The following SLC39A11 variants were observed in gnomAD, a reference collection of about 807,000 sequenced individuals.
The protein encoded by SLC39A11 is zinc transporter ZIP11.
In SLC39A11, 33 loss-of-function variants were observed where a neutral mutation model predicts 36.1. That is an observed-to-expected ratio of 0.91 (90% CI 0.69 to 1.22). SLC39A11 has a LOEUF of 1.22. Among genes scored for constraint, SLC39A11 ranks in the 50% most tolerant of loss-of-function variants. The pLI, the probability that SLC39A11 is intolerant of heterozygous loss-of-function variation, is 0.00. For missense variants in SLC39A11, 432 were observed against 430.3 expected, an observed-to-expected ratio of 1.00 and a Z score of -0.03; for synonymous variants, 166 against 170.3, an observed-to-expected ratio of 0.97 and a Z score of 0.20.
rs57900541 is a variant in SLC39A11, at chr17:72,730,899, C to T, written c.671+5751G>A. Among the ~76,000 whole-genome samples the T allele has an allele frequency of 7.9e-3, 1,208 of 152,200 alleles. 19 individuals are homozygous for T. Among genetic ancestry groups the T allele is most frequent in the African/African-American group, 0.027 (1,141 of 41,534 alleles). On this transcript the variant is annotated intron_variant, in intron 7 of 9. Coordinates refer to ENST00000255559, the MANE Select transcript of SLC39A11 (RefSeq NM_139177.4). ...CCGAGCAATAGGAACTATAGGTGTGCGCCACCACGTCCGGCGAATTTTTTG... is the reference window on the plus strand; with the variant it reads ...CCGAGCAATAGGAACTATAGGTGTGTGCCACCACGTCCGGCGAATTTTTTG...
intron 5 of SLC39A11, among the ~76,000 whole-genome samples, chr17:72,942,393 A>C (rs2085165917): frequency 6.6e-6 from 1 of 152,132 alleles, no homozygotes; most frequent in Non-Finnish European, 1.5e-5. Context: ...TTATATCTAC[A>C]TGAACTGTTG....
At chr17:72,811,637 G>A (rs1390328717) in intron 6 of SLC39A11, among the ~76,000 whole-genome samples, 2 of 152,196 alleles carry the variant, frequency 1.3e-5, no homozygotes, top group African/African-American at 4.8e-5. Context: ...CACTTTCTGT[G>A]AGCTTCAATT....
Position 72,905,814 on chromosome 17 carries a change from C to T in SLC39A11, c.430+41938G>A, listed in dbSNP as rs2082629568. Among the ~76,000 whole-genome samples, 3 of 151,802 alleles carry T rather than the reference C, an allele frequency of 2.0e-5. 1 individual carries two copies. The highest frequency in any genetic ancestry group is 6.8e-3 in the Middle Eastern group (2 of 294). On this transcript the variant is annotated intron_variant, in intron 5 of 9. Coordinates refer to ENST00000255559, the MANE Select transcript of SLC39A11 (RefSeq NM_139177.4). Reference sequence around the variant, plus strand: ...TGTCGCCCAGGCTAGAGTACAGTGGCGTGATCTCAGCTCACTGCAAGCTCC... The same window carrying T: ...TGTCGCCCAGGCTAGAGTACAGTGGTGTGATCTCAGCTCACTGCAAGCTCC...
chr17:73,066,379 A>G (rs1316207411), intron 3 of SLC39A11, among the ~76,000 whole-genome samples: 1 of 152,164 alleles, frequency 6.6e-6, no homozygotes, highest in Middle Eastern at 3.2e-3. Context: ...AACCAGGGGA[A>G]ATAAATTGTT....
At chr17:73,054,673 T>C (rs2059612213) in intron 3 of SLC39A11, among the ~76,000 whole-genome samples, 1 of 151,904 alleles carries the variant, frequency 6.6e-6, no homozygotes, top group Non-Finnish European at 1.5e-5. Flanking sequence ...TCAGGTATGG[T>C]GGCATGTGCC....
At chr17:72,859,880 T>G in intron 5 of SLC39A11, among the ~76,000 whole-genome samples, 1 of 140,372 alleles carries the variant, frequency 7.1e-6, no homozygotes, top group Admixed American at 7.5e-5. Context: ...CCCAGCTTCT[T>G]GGGAGGCTGA....
chr17:73,032,899 T>C (rs1197223136), intron 3 of SLC39A11, among the ~76,000 whole-genome samples: 1 of 152,212 alleles, frequency 6.6e-6, no homozygotes, highest in Non-Finnish European at 1.5e-5. Context: ...CTATTGCGAT[T>C]TGTAGATAAA....
At chr17:72,985,743 T>A (rs1456245345) in intron 4 of SLC39A11, among the ~76,000 whole-genome samples, 1 of 152,198 alleles carries the variant, frequency 6.6e-6, no homozygotes, top group Admixed American at 6.5e-5. Context: ...GTCTTTTATT[T>A]ATTAATCTTC....
intron 7 of SLC39A11, among the ~76,000 whole-genome samples, chr17:72,705,198 A>G (rs2072838085): frequency 6.6e-6 from 1 of 152,192 alleles, no homozygotes; most frequent in Non-Finnish European, 1.5e-5. Flanking sequence ...TGAAAACTAG[A>G]AACATGTCAT....
intron 5 of SLC39A11, among the ~76,000 whole-genome samples, chr17:72,896,841 T>G (rs1021271610): frequency 6.6e-6 from 1 of 151,608 alleles, no homozygotes; most frequent in Non-Finnish European, 1.5e-5. Context: ...ACCTGAGGTC[T>G]CAGGAGTTCA....
At chr17:72,847,010 G>A (rs981938221) in intron 6 of SLC39A11, among the ~76,000 whole-genome samples, 1 of 152,070 alleles carries the variant, frequency 6.6e-6, no homozygotes, top group African/African-American at 2.4e-5. Flanking sequence ...GCACGAGCAG[G>A]GTCTTCCACC....
intron 5 of SLC39A11, among the ~76,000 whole-genome samples, chr17:72,945,183 C>A (rs1320412565): frequency 6.6e-6 from 1 of 152,116 alleles, no homozygotes; most frequent in Non-Finnish European, 1.5e-5. Flanking sequence ...GAAAACATTG[C>A]ACACTAAGAC....
intron 5 of SLC39A11, among the ~76,000 whole-genome samples, chr17:72,878,685 C>T (rs1296155481): frequency 6.6e-6 from 1 of 152,194 alleles, no homozygotes; most frequent in South Asian, 2.1e-4. Context: ...TAATATTTTT[C>T]CCTACTCTCA....
intron 3 of SLC39A11, among the ~76,000 whole-genome samples, chr17:73,046,685 C>T (rs924256327): frequency 2.0e-5 from 3 of 152,130 alleles, no homozygotes; most frequent in Non-Finnish European, 2.9e-5. Flanking sequence ...CAGTGACTCA[C>T]ACCCCCAGCA....
intron 4 of SLC39A11, among the ~76,000 whole-genome samples, chr17:72,973,578 A>G (rs2087619350): frequency 6.6e-6 from 1 of 152,042 alleles, no homozygotes; most frequent in African/African-American, 2.4e-5. Context: ...TTCTTTTTTG[A>G]GACAGGGTCT....
At chr17:73,078,635 C>T (rs185460867) in intron 3 of SLC39A11, among the ~76,000 whole-genome samples, 8 of 151,898 alleles carry the variant, frequency 5.3e-5, no homozygotes, top group Admixed American at 3.3e-4. Context: ...TACAGGTGCC[C>T]GCCACCATGC....
chr17:73,029,881 C>T (rs1420510262), intron 4 of SLC39A11, among the ~76,000 whole-genome samples: 1 of 152,114 alleles, frequency 6.6e-6, no homozygotes, highest in Non-Finnish European at 1.5e-5. Flanking sequence ...TGTGCCCAGC[C>T]ATGTCACTCA....
chr17:73,012,472 G>A (rs952469675), intron 4 of SLC39A11, among the ~76,000 whole-genome samples: 1 of 151,650 alleles, frequency 6.6e-6, no homozygotes, highest in African/African-American at 2.4e-5. Context: ...GACTGAATAA[G>A]TATTTAAATC....
chr17:72,651,877 G>T (rs1259575497), intron 7 of SLC39A11, among the ~76,000 whole-genome samples: 3 of 152,160 alleles, frequency 2.0e-5, no homozygotes, highest in African/African-American at 7.2e-5. Context: ...GTCCACAAAA[G>T]CTGCATCACT....
Sources: allele counts gnomAD v4.1 joint callset (sites outside exome capture counted in the v4.1 genomes callset), GRCh38; gene constraint gnomAD v4.1.1; transcripts MANE v1.5; gene names NCBI Gene and HGNC (gene_info 2026-07-23, HGNC 2026-07-21).